The following ST3GAL3 variants were observed in gnomAD, a reference collection of about 807,000 sequenced individuals.
ST3GAL3 encodes the protein CMP-N-acetylneuraminate-beta-1,4-galactoside alpha-2,3-sialyltransferase.
A neutral mutation model predicts 50.1 loss-of-function variants in ST3GAL3; 21 were observed. The observed-to-expected ratio is 0.42, with a 90% confidence interval of 0.30 to 0.60. ST3GAL3 has a LOEUF of 0.60. ST3GAL3 is among the 20% of genes least tolerant of loss of function. The pLI, the probability that ST3GAL3 is intolerant of heterozygous loss-of-function variation, is 0.19. For synonymous variants in ST3GAL3, 183 were observed against 190.0 expected (o/e 0.96, Z 0.30); for missense variants, 353 against 489.4 (o/e 0.72, Z 2.63).
chr1:43,718,313 C>A (rs1415485503), intron 1 of ST3GAL3, among the ~76,000 whole-genome samples: 2 of 151,068 alleles, frequency 1.3e-5, no homozygotes, highest in African/African-American at 2.4e-5. Flanking sequence ...CCTCAGCCTC[C>A]CGAGTAGCTG....
At chr1:43,771,760 G>C (rs1449104693) in intron 2 of ST3GAL3, 2 of 394,366 alleles carry the variant, frequency 5.1e-6, no homozygotes, top group Non-Finnish European at 8.9e-6. Context: ...GTGTGTGTGT[G>C]TGTGTGTGTG....
chr1:43,927,513 T>C (rs1241416848), intron 11 of ST3GAL3, among the ~76,000 whole-genome samples: 2 of 152,218 alleles, frequency 1.3e-5, no homozygotes, highest in Non-Finnish European at 2.9e-5. Context: ...ACCCATCAAA[T>C]TCGTTACTAC....
chr1:43,920,579 G>A (rs780819407), intron 10 of ST3GAL3, 29 bp downstream of exon 10: 50 of 1,612,442 alleles, frequency 3.1e-5, no homozygotes, highest in Non-Finnish European at 4.0e-5. Flanking sequence ...GGGAGAGGGA[G>A]GAGGAAAGCT....
At chr1:43,781,384 C>A (rs184160883) in intron 2 of ST3GAL3, among the ~76,000 whole-genome samples, 1 of 152,076 alleles carries the variant, frequency 6.6e-6, no homozygotes, top group Non-Finnish European at 1.5e-5. Flanking sequence ...TGGGAGGCAG[C>A]GGATCATTTG....
intron 1 of ST3GAL3, chr1:43,727,349 GC>G (rs1673428165): frequency 6.6e-6 from 1 of 151,728 alleles, no homozygotes; most frequent in African/African-American, 2.4e-5. Flanking sequence ...AAGATGATGA[GC>G]AAAACCAGAC....
At chr1:43,923,982 A>G (rs935738476) in intron 11 of ST3GAL3, among the ~76,000 whole-genome samples, 5 of 151,906 alleles carry the variant, frequency 3.3e-5, no homozygotes, top group African/African-American at 1.2e-4. Context: ...CACCTCCCCA[A>G]AGGCCCCCAC....
Position 43,737,554 on chromosome 1 carries a change from A to C in ST3GAL3, c.118+1174A>C, listed in dbSNP as rs1343047478. 2 of 152,224 alleles carry C rather than the reference A, an allele frequency of 1.3e-5. No homozygotes were observed. Among genetic ancestry groups the C allele is most frequent in the Non-Finnish European group, 2.9e-5 (2 of 68,046 alleles). 9.4% of individuals were successfully genotyped at this position (152,224 alleles called of 1,614,324 possible). ...AAATGCTTAGCTTATAATTATCACT[A>C]ATTACTTGTGTTTCAAAAGTTTACT... On this transcript the variant is annotated intron_variant, in intron 2 of 11. Transcript: ENST00000347631. This position sits in a 1 kb window ranked among gnomAD's most constrained non-coding sequence, Gnocchi z 4.0.
intron 9 of ST3GAL3, chr1:43,913,980 A>G (rs1375300399): frequency 6.6e-6 from 1 of 152,198 alleles, no homozygotes; most frequent in African/African-American, 2.4e-5. Flanking sequence ...TGTGGGAGAG[A>G]ATTTTCACCT....
At position 43,778,233 on chromosome 1, in the gene ST3GAL3, CA is replaced by C. The variant is rs1397156714; in HGVS notation, c.119-13868del. ...ACAAGTGGGAGCTGAACCATGAGAA[CA>C]CATGGACACATGGTGAGAACAACAC... On this transcript the variant is annotated intron_variant, in intron 2 of 11. Transcript: ENST00000347631. Among the ~76,000 whole-genome samples the C allele has an allele frequency of 2.0e-5, 3 of 152,256 alleles. No individual in the cohort carries two copies. In the East Asian group the frequency reaches 5.8e-4, roughly 29 times the overall value.
At chr1:43,858,104 C>T in intron 5 of ST3GAL3, 1 of 1,289,076 alleles carries the variant, frequency 7.8e-7, no homozygotes, top group Non-Finnish European at 1.0e-6. Context: ...TTCTGAGCCT[C>T]ACCTTCCTCA....
At chr1:43,803,466 A>G (rs551448667) in intron 3 of ST3GAL3, among the ~76,000 whole-genome samples, 1 of 152,214 alleles carries the variant, frequency 6.6e-6, no homozygotes, top group South Asian at 2.1e-4. Context: ...GTTCTGTTCA[A>G]ATCTTCTGAA....
At chr1:43,743,081 T>C (rs1162357172) in intron 2 of ST3GAL3, among the ~76,000 whole-genome samples, 2 of 61,340 alleles carry the variant, frequency 3.3e-5, no homozygotes, top group East Asian at 8.7e-4. Flanking sequence ...AGAGCGAGAC[T>C]CCGTCTCAAA....
Position 43,838,071 on chromosome 1 carries a change from C to T in ST3GAL3, c.210-148C>T, listed in dbSNP as rs111384159. The T allele has an allele frequency of 0.016, 8,725 of 555,740 alleles. 678 individuals carry two copies. The African/African-American group carries it at 0.18, about 11-fold the overall frequency. The allele number at this position is 555,740 out of a possible 1,614,324, so 34.4% of individuals were successfully genotyped here. On this transcript the variant is annotated intron_variant, in intron 4 of 11. Coordinates refer to ENST00000347631, the MANE Select transcript of ST3GAL3 (RefSeq NM_006279.5). ...CGGAGCTTGCAGTGAGCCGAGATTG[C>T]GCCACTGCACTCCAGCCTGGGCAAC...
chr1:43,834,696 T>A (rs969659158), intron 4 of ST3GAL3, among the ~76,000 whole-genome samples: 1 of 152,096 alleles, frequency 6.6e-6, no homozygotes, highest in South Asian at 2.1e-4. Flanking sequence ...ATGTGGTGAC[T>A]CTCCCTGTGG....
chr1:43,921,332 A>G (rs1421294470), intron 11 of ST3GAL3: 3 of 482,848 alleles, frequency 6.2e-6, no homozygotes, highest in Non-Finnish European at 1.1e-5. Flanking sequence ...CCCCACAGCC[A>G]AGCACTGCAG....
rs1696440278 is a variant in ST3GAL3, at chr1:43,774,450, A to G, written c.119-17652A>G. On this transcript the variant is annotated intron_variant, in intron 2 of 11. Coordinates refer to ENST00000347631, the MANE Select transcript of ST3GAL3 (RefSeq NM_006279.5). ...TTGAGTGGATCACTGAGGGAGCTCC[A>G]CTCTCTGGGATCTTCAGGACTTTTG... Among the ~76,000 whole-genome samples, 5 of 152,006 alleles carry G rather than the reference A, an allele frequency of 3.3e-5. No individual in the cohort carries two copies. The South Asian group carries it at 8.3e-4, about 25-fold the overall frequency.
Position 43,837,671 on chromosome 1 carries a change from A to G in ST3GAL3, c.210-548A>G, listed in dbSNP as rs1006601557. 2.0e-5 allele frequency among the ~76,000 whole-genome samples: 3 copies of G among 152,312 alleles called. No homozygotes were observed. In the South Asian group the frequency reaches 6.2e-4, roughly 32 times the overall value. On this transcript the variant is annotated intron_variant, in intron 4 of 11. Coordinates refer to ENST00000347631, the MANE Select transcript of ST3GAL3 (RefSeq NM_006279.5). ...GTTTCCTTGGTTTCAGGCTTCCTGC[A>G]AAGAATTATGAGTTTGAGCTGGGCA...
intron 3 of ST3GAL3, among the ~76,000 whole-genome samples, chr1:43,796,128 G>A (rs1372275465): frequency 2.0e-5 from 3 of 152,198 alleles, no homozygotes; most frequent in Non-Finnish European, 2.9e-5. Context: ...CTAAAACTGA[G>A]AGAGAGGAAC....
rs2058354667 is a variant in ST3GAL3, at chr1:43,793,681, T to A, written c.166+1532T>A. 2.6e-5 allele frequency among the ~76,000 whole-genome samples: 4 copies of A among 152,242 alleles called. No homozygotes were observed. In the South Asian group the frequency reaches 8.3e-4, roughly 31 times the overall value. ...GGTAGAGTGGACAGACAGAAAGAGT[T>A]CTTAAATGGATCCAAAACTTGCATC... On this transcript the variant is annotated intron_variant, in intron 3 of 11. Transcript: ENST00000347631.
Sources: gnomAD v4.1 joint callset for allele counts (sites outside exome capture counted in the v4.1 genomes callset) on GRCh38, gnomAD v4.1.1 for gene constraint, Gnocchi (gnomAD v3.1) non-coding constraint, MANE v1.5 for transcripts, NCBI Gene and HGNC (gene_info 2026-07-23, HGNC 2026-07-21) for gene names.